The following CFAP263 variants were observed in gnomAD, a reference collection of about 807,000 sequenced individuals.
CFAP263 encodes the protein cilia and flagella associated protein 263, also known as cilia- and flagella-associated protein 263.
At chr16:58,278,120 A>G in the CFAP263 span, among the ~76,000 whole-genome samples, 1 of 152,186 alleles carries the variant, frequency 6.6e-6, no homozygotes, top group Admixed American at 6.5e-5. Context: ...AAGACATGGA[A>G]GTGAATTGAG....
the CFAP263 span, among the ~76,000 whole-genome samples, chr16:58,265,819 G>A: frequency 2.0e-5 from 3 of 152,276 alleles, no homozygotes; most frequent in African/African-American, 7.2e-5. Context: ...CACCAATTTC[G>A]CTCTCATCAG....
the CFAP263 span, among the ~76,000 whole-genome samples, chr16:58,261,407 G>A: frequency 6.6e-6 from 1 of 152,226 alleles, no homozygotes; most frequent in Non-Finnish European, 1.5e-5. Flanking sequence ...GCTTTAAGCT[G>A]GAGATGGGGA....
At chr16:58,279,870 T>G in the CFAP263 span, 2 of 1,026,538 alleles carry the variant, frequency 1.9e-6, no homozygotes, top group Non-Finnish European at 2.9e-6. Flanking sequence ...GTTCCCTGTC[T>G]GCCTGGTGTT....
At chr16:58,274,902 G>A in the CFAP263 span, among the ~76,000 whole-genome samples, 1 of 152,184 alleles carries the variant, frequency 6.6e-6, no homozygotes, top group African/African-American at 2.4e-5. Flanking sequence ...GTTGCTGGGT[G>A]GGGATCTTAG....
chr16:58,252,189 C>A, the CFAP263 span, among the ~76,000 whole-genome samples: 1 of 151,874 alleles, frequency 6.6e-6, no homozygotes, highest in African/African-American at 2.4e-5. Flanking sequence ...GACAACATAG[C>A]AAGATACCAC....
At chr16:58,280,188 C>G in the CFAP263 span, 2 of 1,568,172 alleles carry the variant, frequency 1.3e-6, no homozygotes, top group Admixed American at 3.6e-5. Context: ...TCAGCATTCT[C>G]AGTTTACTCT....
chr16:58,259,458 C>T, the CFAP263 span, among the ~76,000 whole-genome samples: 1 of 152,112 alleles, frequency 6.6e-6, no homozygotes, highest in Non-Finnish European at 1.5e-5. Context: ...ATTTTTACAA[C>T]ACGTCAAGCT....
At chr16:58,262,787 A>ATAGATAGATAGATGGATAGATAGATAGG in the CFAP263 span, among the ~76,000 whole-genome samples, 1 of 150,350 alleles carries the variant, frequency 6.7e-6, no homozygotes, top group African/African-American at 2.5e-5. Flanking sequence ...AGATAGATAG[A>ATAGATAGATAGATGGATAGATAGATAGG]TAGATAGATA....
the CFAP263 span, among the ~76,000 whole-genome samples, chr16:58,264,308 T>G: frequency 6.6e-6 from 1 of 152,042 alleles, no homozygotes; most frequent in Non-Finnish European, 1.5e-5. Flanking sequence ...CCTGGTCCTG[T>G]GGGGGAAAAG....
the CFAP263 span, chr16:58,278,488 G>A: frequency 6.2e-7 from 1 of 1,613,886 alleles, no homozygotes; most frequent in Admixed American, 1.7e-5. Flanking sequence ...CCAGGACCGG[G>A]CCAAAGCCGA....
At chr16:58,266,479 G>C in the CFAP263 span, among the ~76,000 whole-genome samples, 1 of 130,296 alleles carries the variant, frequency 7.7e-6, no homozygotes, top group African/African-American at 2.9e-5. Context: ...CTCACAGCTT[G>C]GCACAATTGC....
chr16:58,275,387 T>C, the CFAP263 span, among the ~76,000 whole-genome samples: 1 of 152,202 alleles, frequency 6.6e-6, no homozygotes, highest in African/African-American at 2.4e-5. Flanking sequence ...TCTCTTTAAG[T>C]TGATCTGTGA....
At chr16:58,268,508 T>G in the CFAP263 span, among the ~76,000 whole-genome samples, 4 of 152,218 alleles carry the variant, frequency 2.6e-5, no homozygotes, top group East Asian at 7.7e-4. Flanking sequence ...CCACATATAA[T>G]GATGCTTTGT....
the CFAP263 span, chr16:58,250,169 C>T: frequency 9.0e-7 from 1 of 1,115,544 alleles, no homozygotes. Flanking sequence ...CCCTCCTCTC[C>T]GGGCGGCCTC....
At chr16:58,265,432 C>T in the CFAP263 span, among the ~76,000 whole-genome samples, 3 of 152,294 alleles carry the variant, frequency 2.0e-5, no homozygotes, top group African/African-American at 7.2e-5. Flanking sequence ...AGAGGGGCCA[C>T]ATGGAAGGGA....
the CFAP263 span, among the ~76,000 whole-genome samples, chr16:58,262,763 G>GTAGATAGATAGATAGATAGATAGA: frequency 1.3e-5 from 1 of 78,412 alleles, no homozygotes; most frequent in Non-Finnish European, 3.0e-5. Context: ...TAGATGATAG[G>GTAGATAGATAGATAGATAGATAGA]TAGATAGATA....
chr16:58,260,106 G>C, the CFAP263 span, among the ~76,000 whole-genome samples: 1 of 152,054 alleles, frequency 6.6e-6, no homozygotes, highest in Admixed American at 6.5e-5. Flanking sequence ...TTAGGATCTT[G>C]AGATGGGGAG....
the CFAP263 span, among the ~76,000 whole-genome samples, chr16:58,273,304 C>T: frequency 1.3e-5 from 2 of 152,108 alleles, no homozygotes; most frequent in African/African-American, 2.4e-5. Context: ...CTCTCTGTTA[C>T]TCCCATTACC....
At chr16:58,277,209 A>G in the CFAP263 span, among the ~76,000 whole-genome samples, 1 of 151,694 alleles carries the variant, frequency 6.6e-6, no homozygotes, top group African/African-American at 2.4e-5. Flanking sequence ...GCTTACTGCA[A>G]CCTCCACCTC....
Sources: gnomAD v4.1 joint callset for allele counts (sites outside exome capture counted in the v4.1 genomes callset) on GRCh38, gnomAD v4.1.1 for gene constraint, MANE v1.5 for transcripts, NCBI Gene and HGNC (gene_info 2026-07-23, HGNC 2026-07-21) for gene names.